The following ZNF616 variants were observed in gnomAD, a reference collection of about 807,000 sequenced individuals.
ZNF616 encodes the protein zinc finger protein 616.
A neutral mutation model predicts 7.6 loss-of-function variants in ZNF616; 5 were observed. That is an observed-to-expected ratio of 0.66 (90% CI 0.34 to 1.38). The LOEUF (loss-of-function observed/expected upper bound fraction) is 1.38, where lower values mean the gene tolerates loss of function less well. Ranked by LOEUF, ZNF616 falls within the 40% of genes most tolerant of loss-of-function variation. ZNF616 has a pLI of 0.04. For synonymous variants in ZNF616, 319 were observed against 317.2 expected, an observed-to-expected ratio of 1.01 and a Z score of -0.06; for missense variants, 913 against 948.3, an observed-to-expected ratio of 0.96 and a Z score of 0.49.
At chr19:52,130,687 C>G (rs1005710186) in intron 1 of ZNF616, 99 bp from the exon 2 acceptor site, 4 of 771,172 alleles carry the variant, frequency 5.2e-6, no homozygotes, top group Admixed American at 2.8e-5. Flanking sequence ...TGTGGAGAGA[C>G]AGCCCACTGC....
At chr19:52,123,862 C>G (rs964661622) in intron 3 of ZNF616, 61 bp downstream of exon 3, 12 of 1,606,496 alleles carry the variant, frequency 7.5e-6, no homozygotes, top group Non-Finnish European at 1.0e-5. Flanking sequence ...AGAAAGACAA[C>G]AGAGGAAATA....
chr19:52,131,294 A>AAAAAAAAC (rs2088958477), intron 1 of ZNF616, among the ~76,000 whole-genome samples: 1 of 150,056 alleles, frequency 6.7e-6, no homozygotes, highest in African/African-American at 2.5e-5. Flanking sequence ...AAAAAAATCA[A>AAAAAAAAC]CTTGGGTACC....
chr19:52,114,901 TAA>T lies in ZNF616; in HGVS notation c.2261_2262del (p.Phe754TyrfsTer8). The T allele has an allele frequency of 1.2e-6, 2 of 1,613,976 alleles. No individual in the cohort carries two copies. Among genetic ancestry groups the T allele is most frequent in the Non-Finnish European group, 1.7e-6 (2 of 1,179,922 alleles). ...TGTTTAGTGAGGCCTGAGCGACAAA[TAA>T]AAGATTTCCCACACTCATTACATTT... is the stretch of plus-strand genomic sequence containing the variant. Reference protein sequence around the residue: ...PYKCNECGKSFICRSGLTKHR... With the variant: ...PYKCNECGKSXICRSGLTKHR... On this transcript the variant is annotated frameshift_variant, in exon 4 of 4. Transcript: ENST00000600228. LOFTEE classifies it low-confidence loss of function (END_TRUNC).
chr19:52,136,162 C>A, intron 1 of ZNF616, among the ~76,000 whole-genome samples: 3 of 135,926 alleles, frequency 2.2e-5, no homozygotes, highest in Non-Finnish European at 1.6e-5. Context: ...GGACAGGGGG[C>A]AAAGGACCTG....
Position 52,116,276 on chromosome 19 carries a change from A to G in ZNF616, c.888T>C (p.Pro296=). 7 of 1,614,182 alleles carry G rather than the reference A, an allele frequency of 4.3e-6. No homozygotes were observed. Among genetic ancestry groups the G allele is most frequent in the Non-Finnish European group, 5.1e-6 (6 of 1,180,020 alleles). ...ATTTCCCACACAGATTACATTTGTA[A>G]GGTTTTTCACCGGTATGAATTCTCT... ...VHQRIHTGEK[P]YKCNLCGKSF... is the part of the protein sequence containing the mutation. Residue 296 remains proline (P), a synonymous_variant, in exon 4 of 4, where the codon CCT becomes CCC. Coordinates refer to ENST00000600228, the MANE Select transcript of ZNF616 (RefSeq NM_178523.5).
At chr19:52,133,317 T>C (rs955161395) in intron 1 of ZNF616, among the ~76,000 whole-genome samples, 2 of 152,178 alleles carry the variant, frequency 1.3e-5, no homozygotes, top group Non-Finnish European at 2.9e-5. Context: ...TAATGGGCAA[T>C]ACCACCATCA....
chr19:52,117,728 G>T (rs2088837238), intron 3 of ZNF616, among the ~76,000 whole-genome samples: 1 of 152,100 alleles, frequency 6.6e-6, no homozygotes, highest in Non-Finnish European at 1.5e-5. Context: ...TGAGATCACT[G>T]ACTTTTAAAG....
chr19:52,118,452 A>T (rs534314006), intron 3 of ZNF616, among the ~76,000 whole-genome samples: 1 of 152,208 alleles, frequency 6.6e-6, no homozygotes, highest in Non-Finnish European at 1.5e-5. Context: ...TGAGGACCCA[A>T]TCCTCAATGT....
At position 52,139,337 on chromosome 19, in the gene ZNF616, G is replaced by C. The variant is rs999294332; in HGVS notation, c.-77+395C>G. On this transcript the variant is annotated intron_variant, in intron 1 of 3. Coordinates refer to ENST00000600228, the MANE Select transcript of ZNF616 (RefSeq NM_178523.5). The surrounding 1 kb of genome is among the most constrained non-coding windows in gnomAD (Gnocchi z 4.1). ...TCAGGAAAAGCAGTGGCTGTGAAGGGGCAGCCTGGGGAGGGGAAGGACCCG... is the reference window on the plus strand; with the variant it reads ...TCAGGAAAAGCAGTGGCTGTGAAGGCGCAGCCTGGGGAGGGGAAGGACCCG... 1.3e-5 allele frequency among the ~76,000 whole-genome samples: 2 copies of C among 152,154 alleles called. No homozygotes were observed.
intron 3 of ZNF616, among the ~76,000 whole-genome samples, chr19:52,121,951 G>C (rs77273361): frequency 0.04 from 6,066 of 151,952 alleles, 386 homozygotes; most frequent in African/African-American, 0.13. Flanking sequence ...AAAATATATA[G>C]GTTTTATAAA....
chr19:52,138,571 C>G (rs890576397), intron 1 of ZNF616: 1 of 152,104 alleles, frequency 6.6e-6, no homozygotes, highest in Non-Finnish European at 1.5e-5. Flanking sequence ...TTTCTTTATT[C>G]CCTCTTTTAT....
At chr19:52,131,010 T>C (rs2122166682) in intron 1 of ZNF616, among the ~76,000 whole-genome samples, 2 of 152,310 alleles carry the variant, frequency 1.3e-5, no homozygotes, top group Middle Eastern at 6.8e-3. Context: ...GGCTCATGCC[T>C]GTAATCCCAG....
chr19:52,131,264 CAAA>C (rs61359785), intron 1 of ZNF616, among the ~76,000 whole-genome samples: 1 of 39,744 alleles, frequency 2.5e-5, no homozygotes. Flanking sequence ...ACTCTGTCAC[CAAA>C]AAAAAAAAAA....
intron 2 of ZNF616, among the ~76,000 whole-genome samples, chr19:52,128,741 C>CAAA (rs201369673): frequency 1.4e-5 from 1 of 70,458 alleles, no homozygotes; most frequent in South Asian, 4.3e-4. Flanking sequence ...AACTCCGTCT[C>CAAA]AAAAAAAAAA....
chr19:52,134,472 G>T (rs777839752), intron 1 of ZNF616, among the ~76,000 whole-genome samples: 2 of 152,218 alleles, frequency 1.3e-5, no homozygotes, highest in Non-Finnish European at 2.9e-5. Context: ...GGAGTCAGTA[G>T]GTCAGAAGTA....
chr19:52,126,514 C>T (rs57407993), intron 2 of ZNF616, among the ~76,000 whole-genome samples: 5,410 of 151,572 alleles, frequency 0.036, 293 homozygotes, highest in African/African-American at 0.12. Flanking sequence ...GACTCTGTCT[C>T]CAAAAATAAA....
At position 52,130,997 on chromosome 19, in the gene ZNF616, G is replaced by T. The variant is rs557103383; in HGVS notation, c.-76-409C>A. On this transcript the variant is annotated intron_variant, in intron 1 of 3. Transcript: ENST00000600228. Reference sequence around the variant, plus strand: ...TGAGAATCAACTTGGGGCTGGGAGCGGTGGCTCATGCCTGTAATCCCAGCA... The same window carrying T: ...TGAGAATCAACTTGGGGCTGGGAGCTGTGGCTCATGCCTGTAATCCCAGCA... 4.6e-5 allele frequency among the ~76,000 whole-genome samples: 7 copies of T among 152,252 alleles called. No individual in the cohort carries two copies. In the East Asian group the frequency reaches 1.4e-3, roughly 29 times the overall value.
At position 52,115,017 on chromosome 19, in the gene ZNF616, C is replaced by G. The variant is rs2088805015; in HGVS notation, c.2147G>C (p.Arg716Thr). 1 of 1,613,698 alleles carries G rather than the reference C, an allele frequency of 6.2e-7. No individual in the cohort carries two copies. The highest frequency in any genetic ancestry group is 1.3e-5 in the African/African-American group (1 of 74,810). The change falls in exon 4 of 4, where the codon AGA becomes ACA. Residue 716 changes from arginine to threonine, a missense_variant. Coordinates refer to ENST00000600228, the MANE Select transcript of ZNF616 (RefSeq NM_178523.5). ...TTTGCCACATTCAATACATTTGTAT[C>G]TTTTCTCTCCAGTGTGGATTCTCTG... ...SHQRIHTGEK[R>T]YKCIECGKAF...
intron 3 of ZNF616, among the ~76,000 whole-genome samples, chr19:52,119,239 T>TGG (rs1160006182): frequency 6.6e-6 from 1 of 151,642 alleles, no homozygotes; most frequent in Non-Finnish European, 1.5e-5. Context: ...TAGCTGGGTG[T>TGG]GGGGGCAGGT....
Sources: gnomAD v4.1 joint callset for allele counts (sites outside exome capture counted in the v4.1 genomes callset) on GRCh38, gnomAD v4.1.1 for gene constraint, Gnocchi (gnomAD v3.1) non-coding constraint, MANE v1.5 for transcripts, NCBI Gene and HGNC (gene_info 2026-07-23, HGNC 2026-07-21) for gene names.